The following LMOD1 variants were observed in gnomAD, a reference collection of about 807,000 sequenced individuals.
LMOD1 encodes the protein leiomodin-1.
A neutral mutation model predicts 36.5 loss-of-function variants in LMOD1; 8 were observed. The observed-to-expected ratio is 0.22, with a 90% CI of 0.13 to 0.40. LMOD1 has a LOEUF of 0.40. Among genes scored for constraint, LMOD1 ranks in the 10% least tolerant of loss-of-function variants. LMOD1 has a pLI of 1.00. For synonymous variants in LMOD1, 284 were observed against 288.7 expected, an observed-to-expected ratio of 0.98 and a Z score of 0.17; for missense variants, 630 against 751.1, an observed-to-expected ratio of 0.84 and a Z score of 1.88.
At position 201,908,354 on chromosome 1, in the gene LMOD1, CTG is replaced by C. The variant is rs539849643; in HGVS notation, c.262-7605_262-7604del. 3.6e-4 allele frequency among the ~76,000 whole-genome samples: 55 copies of C among 152,324 alleles called. 4 individuals carry two copies. The South Asian group carries it at 0.011, about 31-fold the overall frequency. ...AAGTTATAAGAGACTTCTGGGGAAA[CTG>C]TGACCCAGAAATGGGGTTGGAGAAG... On this transcript the variant is annotated intron_variant, in intron 1 of 2. Coordinates refer to ENST00000367288, the MANE Select transcript of LMOD1 (RefSeq NM_012134.3).
chr1:201,939,680 C>T (rs1682081101), intron 1 of LMOD1, among the ~76,000 whole-genome samples: 3 of 152,126 alleles, frequency 2.0e-5, no homozygotes, highest in Admixed American at 2.0e-4. Context: ...CCTGTTTATC[C>T]AACTTGGCAG....
At chr1:201,924,344 C>A (rs973212013) in intron 1 of LMOD1, among the ~76,000 whole-genome samples, 1 of 80,010 alleles carries the variant, frequency 1.2e-5, no homozygotes, top group African/African-American at 4.9e-5. Flanking sequence ...AAAAAGAAAG[C>A]AAGGGAAGGA....
chr1:201,943,332 C>T (rs1220934766), intron 1 of LMOD1, among the ~76,000 whole-genome samples: 2 of 152,226 alleles, frequency 1.3e-5, no homozygotes, highest in African/African-American at 4.8e-5. Flanking sequence ...TCCCAAGAAT[C>T]GTAAGGCTTA....
chr1:201,901,610 AC>A lies in LMOD1; in HGVS notation c.262-860del, dbSNP rs1558234787. On this transcript the variant is annotated intron_variant, in intron 1 of 2. Transcript: ENST00000367288. ...CATATATATATGTATATATATATAT[AC>A]ACATATATATGTGTGTGTGTATATA... Among the ~76,000 whole-genome samples the A allele has an allele frequency of 1.6e-3, 54 of 34,742 alleles. 4 individuals are homozygous for A. The highest frequency in any genetic ancestry group is 2.0e-3 in the Non-Finnish European group (36 of 17,822). 22.8% of individuals were successfully genotyped at this position (34,742 alleles called of 152,430 possible).
chr1:201,905,840 G>A (rs1196416660), intron 1 of LMOD1, among the ~76,000 whole-genome samples: 4 of 152,260 alleles, frequency 2.6e-5, no homozygotes, highest in East Asian at 1.9e-4. Flanking sequence ...CCTAGGAGAG[G>A]GCAGAGCCAA....
At chr1:201,931,043 AT>A (rs894744951) in intron 1 of LMOD1, among the ~76,000 whole-genome samples, 1 of 152,184 alleles carries the variant, frequency 6.6e-6, no homozygotes, top group African/African-American at 2.4e-5. Flanking sequence ...CATGGATGCC[AT>A]TTCCTACAGC....
rs1558234892 is a variant in LMOD1 at position 201,901,650 on chromosome 1, ATAT to A, written c.262-902_262-900del. ...TGTGTGTATATATATATATATATAC[ATAT>A]ATATGTGTATATATATATATACACA... On this transcript the variant is annotated intron_variant, in intron 1 of 2. Coordinates refer to ENST00000367288, the MANE Select transcript of LMOD1 (RefSeq NM_012134.3). 5.8e-4 allele frequency among the ~76,000 whole-genome samples: 22 copies of A among 37,720 alleles called. 1 individual carries two copies. Among genetic ancestry groups the A allele is most frequent in the Non-Finnish European group, 9.9e-4 (21 of 21,292 alleles). The allele number at this position is 37,720 out of a possible 152,430, so 24.7% of individuals were successfully genotyped here.
intron 1 of LMOD1, among the ~76,000 whole-genome samples, chr1:201,919,348 G>A (rs1305577585): frequency 1.3e-5 from 2 of 151,964 alleles, no homozygotes; most frequent in Admixed American, 1.3e-4. Flanking sequence ...GGGATTACAG[G>A]TGCCCACCAC....
At chr1:201,922,940 T>C (rs1220816907) in intron 1 of LMOD1, among the ~76,000 whole-genome samples, 2 of 152,042 alleles carry the variant, frequency 1.3e-5, no homozygotes, top group Non-Finnish European at 2.9e-5. Context: ...TTCTCCTGCC[T>C]CAGCCTCACG....
In LMOD1 at chr1:201,899,231, ACTT is replaced by A; in HGVS notation, c.1776+3_1776+5del. The A allele has an allele frequency of 1.3e-6, 2 of 1,575,890 alleles. No homozygotes were observed. The highest frequency in any genetic ancestry group is 1.7e-6 in the Non-Finnish European group (2 of 1,158,196). ...GCCCTGTTGGCTCATGCCCACAACT[ACTT>A]AACTTCTTGAGCTGCTTGAGGTTGC... On this transcript the variant is annotated splice_donor_5th_base_variant and intron_variant, in intron 2 of 2. Coordinates refer to ENST00000367288, the MANE Select transcript of LMOD1 (RefSeq NM_012134.3). The surrounding 1 kb of genome is among the most constrained non-coding windows in gnomAD (Gnocchi z 6.3).
chr1:201,939,992 C>T (rs76134088), intron 1 of LMOD1, among the ~76,000 whole-genome samples: 1 of 152,244 alleles, frequency 6.6e-6, no homozygotes, highest in Non-Finnish European at 1.5e-5. Context: ...GACCATGAAG[C>T]TCCCAGAATC....
intron 1 of LMOD1, among the ~76,000 whole-genome samples, chr1:201,929,943 G>A (rs534128117): frequency 1.2e-4 from 18 of 152,308 alleles, no homozygotes; most frequent in East Asian, 5.8e-4. Flanking sequence ...GGGGGGGTCC[G>A]GAAAGCCTCT....
intron 1 of LMOD1, among the ~76,000 whole-genome samples, chr1:201,934,617 C>G (rs1681983601): frequency 6.6e-6 from 1 of 152,180 alleles, no homozygotes; most frequent in African/African-American, 2.4e-5. Flanking sequence ...TAGAACAAAA[C>G]TGAGGAAAAA....
chr1:201,901,579 TATATAC>T (rs1558234725), intron 1 of LMOD1, among the ~76,000 whole-genome samples: 3 of 8,526 alleles, frequency 3.5e-4, no homozygotes, highest in African/African-American at 1.2e-3. Context: ...TATATATATA[TATATAC>T]ATATATATAT....
intron 1 of LMOD1, among the ~76,000 whole-genome samples, chr1:201,928,030 A>G (rs1681858358): frequency 6.6e-6 from 1 of 152,114 alleles, no homozygotes; most frequent in Non-Finnish European, 1.5e-5. Flanking sequence ...TTTGTTATAA[A>G]AGGACAATTT....
intron 1 of LMOD1, among the ~76,000 whole-genome samples, chr1:201,922,692 T>G (rs1286281998): frequency 1.3e-5 from 2 of 151,052 alleles, no homozygotes; most frequent in Non-Finnish European, 2.9e-5. Flanking sequence ...GAATATATAT[T>G]CACACTGAAT....
chr1:201,930,661 G>A (rs1681901095), intron 1 of LMOD1, among the ~76,000 whole-genome samples: 1 of 152,154 alleles, frequency 6.6e-6, no homozygotes, highest in Admixed American at 6.5e-5. Flanking sequence ...TAGAGATCTA[G>A]GCCAGAGATA....
At chr1:201,904,236 A>G (rs2790910) in intron 1 of LMOD1, among the ~76,000 whole-genome samples, 148,209 of 152,280 alleles carry the variant, frequency 0.97, 72,273 homozygotes, top group East Asian at 1. Flanking sequence ...TTGAGATGGA[A>G]TTTCACTGTT....
intron 1 of LMOD1, among the ~76,000 whole-genome samples, chr1:201,910,154 T>A (rs1681470311): frequency 6.6e-6 from 1 of 152,218 alleles, no homozygotes. Context: ...GAGGCTCCAG[T>A]CTCAGCAAGA....
Sources: gnomAD v4.1 joint callset for allele counts (sites outside exome capture counted in the v4.1 genomes callset) on GRCh38, gnomAD v4.1.1 for gene constraint, Gnocchi (gnomAD v3.1) non-coding constraint, MANE v1.5 for transcripts, NCBI Gene and HGNC (gene_info 2026-07-23, HGNC 2026-07-21) for gene names.